The following TLCD4 variants were observed in gnomAD, a reference collection of about 807,000 sequenced individuals.
The protein encoded by TLCD4 is TLC domain-containing protein 4.
TLCD4 carries 7 observed loss-of-function variants against 24.2 expected under a neutral mutation model. The observed-to-expected ratio is 0.29, with a 90% CI of 0.16 to 0.54. TLCD4 has a LOEUF of 0.54. Among genes scored for constraint, TLCD4 ranks in the 20% least tolerant of loss-of-function variants. The pLI, the probability that TLCD4 is intolerant of heterozygous loss-of-function variation, is 0.95. For missense variants in TLCD4, 259 were observed against 313.9 expected, an observed-to-expected ratio of 0.82 and a Z score of 1.32; for synonymous variants, 103 against 106.4, an observed-to-expected ratio of 0.97 and a Z score of 0.20.
At chr1:95,167,414 A>C (rs1302856057) in intron 5 of TLCD4, among the ~76,000 whole-genome samples, 3 of 152,166 alleles carry the variant, frequency 2.0e-5, no homozygotes, top group Admixed American at 1.3e-4. Flanking sequence ...TTCTGTCAGC[A>C]TTGGGATATA....
chr1:95,144,840 G>A (rs1055960835), intron 2 of TLCD4, among the ~76,000 whole-genome samples: 1 of 151,914 alleles, frequency 6.6e-6, no homozygotes, highest in African/African-American at 2.4e-5. Context: ...ACAGGCATGC[G>A]CCACCATGCC....
rs558330985 is a variant in TLCD4, at chr1:95,145,636, G to T, written c.155+1580G>T. On this transcript the variant is annotated intron_variant, in intron 2 of 6. Coordinates refer to ENST00000370203, the MANE Select transcript of TLCD4 (RefSeq NM_152487.3). ...GATGGAATGGTAGGAAAGAGAAGGG[G>T]GTACATACGTTCTCTGATTAAATGT... Among the ~76,000 whole-genome samples, 3 of 152,168 alleles carry T rather than the reference G, an allele frequency of 2.0e-5. No individual in the cohort carries two copies. In the South Asian group the frequency reaches 6.2e-4, roughly 32 times the overall value.
rs543579148 is a variant in TLCD4 at position 95,128,648 on chromosome 1, T to C, written c.-12+11031T>C. 1.1e-4 allele frequency among the ~76,000 whole-genome samples: 16 copies of C among 152,234 alleles called. No individual in the cohort carries two copies. In the East Asian group the frequency reaches 3.1e-3, roughly 30 times the overall value. ...TCAGAATATCTTGGTGTAGGGACTC[T>C]CGGTTGTTTGAAAAATCTATATCAA... On this transcript the variant is annotated intron_variant, in intron 1 of 6. Coordinates refer to ENST00000370203, the MANE Select transcript of TLCD4 (RefSeq NM_152487.3).
chr1:95,118,343 A>G (rs564080286), intron 1 of TLCD4, among the ~76,000 whole-genome samples: 45 of 152,360 alleles, frequency 3.0e-4, no homozygotes, highest in African/African-American at 9.6e-4. Flanking sequence ...AAGACGGCAG[A>G]AAAACCTCTG....
Position 95,193,531 on chromosome 1 carries a change from A to G in TLCD4, c.*1663A>G, listed in dbSNP as rs905031789. On this transcript the variant is annotated 3_prime_UTR_variant, in exon 7 of 7. Transcript: ENST00000370203. ...GTAATCCAGTTTCTCAGTTTGAAGGAGAACGTTTGACTCACTTTCATTGTT... is the reference window on the plus strand; with the variant it reads ...GTAATCCAGTTTCTCAGTTTGAAGGGGAACGTTTGACTCACTTTCATTGTT... 5.3e-5 allele frequency: 8 copies of G among 152,090 alleles called. No individual in the cohort carries two copies. Among genetic ancestry groups the G allele is most frequent in the African/African-American group, 1.9e-4 (8 of 41,448 alleles). 9.4% of individuals were successfully genotyped at this position (152,090 alleles called of 1,614,324 possible).
chr1:95,191,063 G>T (rs6686139), intron 6 of TLCD4, among the ~76,000 whole-genome samples: 35,587 of 151,854 alleles, frequency 0.23, 4,795 homozygotes, highest in East Asian at 0.4. Flanking sequence ...GATCATACAG[G>T]TTTTTTTCCT....
At chr1:95,176,019 TC>T (rs1354154985) in intron 6 of TLCD4, among the ~76,000 whole-genome samples, 1 of 151,948 alleles carries the variant, frequency 6.6e-6, no homozygotes, top group Admixed American at 6.6e-5. Flanking sequence ...CAAGCGATCC[TC>T]CCACTTTGGC....
intron 1 of TLCD4, among the ~76,000 whole-genome samples, chr1:95,141,792 T>C (rs1306979915): frequency 2.9e-5 from 4 of 138,596 alleles, no homozygotes; most frequent in South Asian, 2.5e-4. Flanking sequence ...TTTTACCAAG[T>C]ACACACACAC....
intron 1 of TLCD4, among the ~76,000 whole-genome samples, chr1:95,142,291 CTTTT>C (rs33917874): frequency 4.5e-4 from 53 of 116,782 alleles, no homozygotes; most frequent in East Asian, 2.9e-3. Context: ...TTATAAAAAT[CTTTT>C]TTTTTTTTTT....
chr1:95,114,307 G>T (rs1371631114), upstream of TLCD4, among the ~76,000 whole-genome samples: 1 of 152,178 alleles, frequency 6.6e-6, no homozygotes, highest in South Asian at 2.1e-4. Flanking sequence ...AGTGCTTGGG[G>T]TTATTCATTT....
chr1:95,192,298 C>CA lies in TLCD4; in HGVS notation c.*444dup, dbSNP rs200878295. On this transcript the variant is annotated 3_prime_UTR_variant, in exon 7 of 7. Transcript: ENST00000370203. ...TGGGCGACAGAGCAAGACTCTGTCTCAAAAAAAAAAAAAAGAGAGAAACTA... is the reference window on the plus strand; with the variant it reads ...TGGGCGACAGAGCAAGACTCTGTCTCAAAAAAAAAAAAAAAGAGAGAAACTA... 0.29 allele frequency: 34,033 copies of CA among 117,274 alleles called. 3,897 individuals carry two copies. Among genetic ancestry groups the CA allele is most frequent in the Admixed American group, 0.33 (3,736 of 11,478 alleles). 7.3% of individuals were successfully genotyped at this position (117,274 alleles called of 1,614,324 possible).
chr1:95,175,742 G>T (rs1375092371), intron 6 of TLCD4, among the ~76,000 whole-genome samples: 3 of 151,802 alleles, frequency 2.0e-5, no homozygotes, highest in African/African-American at 7.3e-5. Context: ...GGTGGAGGTG[G>T]TATGTCATGT....
chr1:95,150,387 A>G, intron 4 of TLCD4, 121 bp downstream of exon 4: 1 of 1,191,636 alleles, frequency 8.4e-7, no homozygotes, highest in Non-Finnish European at 1.1e-6. Context: ...CATACAGAGG[A>G]AAAAAATACC....
At chr1:95,187,770 T>C (rs1033896975) in intron 6 of TLCD4, among the ~76,000 whole-genome samples, 1 of 152,096 alleles carries the variant, frequency 6.6e-6, no homozygotes, top group Non-Finnish European at 1.5e-5. Flanking sequence ...CCATAAAAAA[T>C]GCCACAGTCT....
chr1:95,193,576 CA>C lies in TLCD4; in HGVS notation c.*1710del. The C allele has an allele frequency of 6.6e-6, 1 of 152,042 alleles. No individual in the cohort carries two copies. The highest frequency in any genetic ancestry group is 2.1e-4 in the South Asian group (1 of 4,814). The allele number at this position is 152,042 out of a possible 1,614,324, so 9.4% of individuals were successfully genotyped here. On this transcript the variant is annotated 3_prime_UTR_variant, in exon 7 of 7. Coordinates refer to ENST00000370203, the MANE Select transcript of TLCD4 (RefSeq NM_152487.3). ...ATTGTTCATGCTAGCTGAATATAAT[CA>C]AGACTTTTGATTTGATTTGCTTTTA...
intron 6 of TLCD4, among the ~76,000 whole-genome samples, chr1:95,181,289 C>G (rs1243843171): frequency 6.6e-6 from 1 of 151,814 alleles, no homozygotes; most frequent in African/African-American, 2.4e-5. Flanking sequence ...CAGCTGGATT[C>G]TCAGATGGGC....
chr1:95,152,283 G>T (rs994267833), intron 5 of TLCD4, among the ~76,000 whole-genome samples: 2 of 151,940 alleles, frequency 1.3e-5, no homozygotes, highest in African/African-American at 4.8e-5. Flanking sequence ...TTTCTATGCA[G>T]TGAATTCCCA....
At chr1:95,190,602 C>A (rs962397166) in intron 6 of TLCD4, among the ~76,000 whole-genome samples, 19 of 151,912 alleles carry the variant, frequency 1.3e-4, no homozygotes, top group African/African-American at 4.4e-4. Flanking sequence ...GCTGGGATTA[C>A]AGGGGTGAGC....
chr1:95,172,589 T>C (rs1186641063), intron 5 of TLCD4, among the ~76,000 whole-genome samples: 3 of 152,158 alleles, frequency 2.0e-5, no homozygotes, highest in Non-Finnish European at 4.4e-5. Context: ...AATTCCAGTA[T>C]TGCTAAGGAT....
Sources: gnomAD v4.1 joint callset for allele counts (sites outside exome capture counted in the v4.1 genomes callset) on GRCh38, gnomAD v4.1.1 for gene constraint, MANE v1.5 for transcripts, NCBI Gene and HGNC (gene_info 2026-07-23, HGNC 2026-07-21) for gene names.